KLHDC4: variants seen among roughly 807,000 people sequenced by gnomAD.
KLHDC4 encodes kelch domain containing 4.
A neutral mutation model predicts 62.4 loss-of-function variants in KLHDC4; 90 were observed. The ratio of observed to expected loss-of-function variants is 1.44; its 90% CI spans 1.22 to 1.72. KLHDC4 has a LOEUF of 1.72. KLHDC4 is among the 40% of genes most tolerant of loss of function. The pLI, the probability that KLHDC4 is intolerant of heterozygous loss-of-function variation, is 0.00. For synonymous variants in KLHDC4, 386 were observed against 284.4 expected (o/e 1.36, Z -3.59); for missense variants, 1,025 against 699.7 (o/e 1.47, Z -5.25).
chr16:87,749,346 GA>G (rs1346963837), intron 4 of KLHDC4, among the ~76,000 whole-genome samples: 1 of 152,008 alleles, frequency 6.6e-6, no homozygotes, highest in African/African-American at 2.4e-5. Flanking sequence ...ACGAGATCAA[GA>G]AATAGAGACC....
At chr16:87,729,802 G>C (rs2040017294) in intron 6 of KLHDC4, among the ~76,000 whole-genome samples, 1 of 152,102 alleles carries the variant, frequency 6.6e-6, no homozygotes, top group Non-Finnish European at 1.5e-5. Context: ...GAAGTCCCCT[G>C]GCCAGCAACG....
downstream of KLHDC4, among the ~76,000 whole-genome samples, chr16:87,706,649 G>A (rs550643673): frequency 4.6e-5 from 7 of 152,338 alleles, no homozygotes; most frequent in Non-Finnish European, 4.4e-5. Flanking sequence ...AGGTCACACC[G>A]ATGGCAGTGG....
At chr16:87,722,565 G>A (rs139389883) in intron 7 of KLHDC4, among the ~76,000 whole-genome samples, 15 of 152,348 alleles carry the variant, frequency 9.8e-5, no homozygotes, top group African/African-American at 3.4e-4. Context: ...CACCAGGCAC[G>A]CAAGTGGACA....
rs763633078 is a variant in KLHDC4, at chr16:87,765,897, G to T, written c.-7C>A. The T allele has an allele frequency of 6.4e-7, 1 of 1,551,000 alleles. No homozygotes were observed. The highest frequency in any genetic ancestry group is 2.0e-5 in the Admixed American group (1 of 50,994). On this transcript the variant is annotated 5_prime_UTR_variant, in exon 1 of 12. Transcript: ENST00000270583. Reference sequence around the variant, plus strand: ...TCTTGCCCTTCTTGCCCATCTTGCCGGGTCCCAAGCCGCGACGGGACACCA... The same window carrying T: ...TCTTGCCCTTCTTGCCCATCTTGCCTGGTCCCAAGCCGCGACGGGACACCA...
chr16:87,701,219 A>G (rs1365403988), exon 1 of KLHDC4: 1 of 223,158 alleles, frequency 4.5e-6, no homozygotes, highest in Non-Finnish European at 9.1e-6. Flanking sequence ...GCGCTTCCCG[A>G]TGAGCAGAGG....
intron 4 of KLHDC4, among the ~76,000 whole-genome samples, chr16:87,751,919 A>T (rs542988319): frequency 1.9e-4 from 29 of 151,460 alleles, no homozygotes; most frequent in African/African-American, 6.5e-4. Context: ...TAAAAATACT[A>T]AAAAAATTAG....
At chr16:87,737,694 T>A (rs2041577229) in intron 5 of KLHDC4, among the ~76,000 whole-genome samples, 1 of 151,622 alleles carries the variant, frequency 6.6e-6, no homozygotes, top group South Asian at 2.1e-4. Flanking sequence ...TTCAAGCAAT[T>A]ATTCCACCTA....
At chr16:87,757,104 C>T (rs926445872) in intron 2 of KLHDC4, among the ~76,000 whole-genome samples, 1 of 151,890 alleles carries the variant, frequency 6.6e-6, no homozygotes. Flanking sequence ...TGTGAGCCAC[C>T]GTGCCTGGAC....
At chr16:87,707,429 G>C (rs934652423), downstream of KLHDC4, among the ~76,000 whole-genome samples, 2 of 152,212 alleles carry the variant, frequency 1.3e-5, no homozygotes, top group East Asian at 1.9e-4. Context: ...GCTCCCAGGA[G>C]TGAGGCCGCT....
intron 6 of KLHDC4, among the ~76,000 whole-genome samples, chr16:87,727,628 G>A (rs1212425462): frequency 2.6e-5 from 4 of 152,226 alleles, no homozygotes; most frequent in Non-Finnish European, 5.9e-5. Flanking sequence ...TGGCAGCTTT[G>A]CTGGAGGCAT....
At chr16:87,702,366 G>A (rs1208753260) in exon 1 of KLHDC4, 2 of 438,722 alleles carry the variant, frequency 4.6e-6, no homozygotes, top group African/African-American at 4.0e-5. Context: ...TGCAGGGGCA[G>A]GGGGGCGGGC....
chr16:87,744,353 G>T (rs4843695), intron 5 of KLHDC4, among the ~76,000 whole-genome samples: 96,552 of 150,660 alleles, frequency 0.64, 31,712 homozygotes, highest in African/African-American at 0.8. Flanking sequence ...AGGTGGAGGT[G>T]GCAGTGAGCC....
intron 10 of KLHDC4, 41 bp from the exon 11 acceptor site, chr16:87,708,507 TGAGGCAGGTGGG>T (rs1567645843): frequency 6.7e-7 from 1 of 1,499,156 alleles, no homozygotes; most frequent in Non-Finnish European, 9.1e-7. Context: ...TCAGCGCAGC[TGAGGCAGGTGGG>T]GGAGGCTGCG....
intron 8 of KLHDC4, among the ~76,000 whole-genome samples, chr16:87,712,548 C>T (rs1415660005): frequency 3.9e-5 from 6 of 152,236 alleles, no homozygotes; most frequent in Admixed American, 3.3e-4. Context: ...GGCTCAGGGC[C>T]GCCCTGCGGG....
rs746780041 is a variant in KLHDC4, at chr16:87,730,537, G to C, written c.599+15C>G. 6.3e-7 allele frequency: 1 copy of C among 1,592,624 alleles called. No homozygotes were observed. The highest frequency in any genetic ancestry group is 8.5e-7 in the Non-Finnish European group (1 of 1,171,040). ...TGCTTCAGGAGAGAAAGATTTTTCC[G>C]TTCTTGGTACCAACCGTGTACTTTC... On this transcript the variant is annotated intron_variant, in intron 6 of 11. Transcript: ENST00000270583.
At chr16:87,737,275 T>G (rs2041493042) in intron 5 of KLHDC4, among the ~76,000 whole-genome samples, 1 of 151,246 alleles carries the variant, frequency 6.6e-6, no homozygotes, top group Admixed American at 6.6e-5. Context: ...AGCACTGAAA[T>G]AAACCTATGG....
At chr16:87,753,334 C>A (rs905066409) in intron 4 of KLHDC4, among the ~76,000 whole-genome samples, 1 of 152,318 alleles carries the variant, frequency 6.6e-6, no homozygotes, top group Middle Eastern at 3.4e-3. Context: ...CAAGTTCCAA[C>A]CAGACGAGGT....
intron 5 of KLHDC4, among the ~76,000 whole-genome samples, chr16:87,739,339 C>G (rs1567760790): frequency 7.5e-6 from 1 of 133,840 alleles, no homozygotes; most frequent in Admixed American, 7.5e-5. Flanking sequence ...AGCATCTCAT[C>G]CATCCACACA....
chr16:87,749,535 C>T (rs1037577591), intron 4 of KLHDC4, among the ~76,000 whole-genome samples: 6 of 130,850 alleles, frequency 4.6e-5, no homozygotes, highest in Admixed American at 9.6e-5. Flanking sequence ...GCCTGGACGA[C>T]AGAGCGAGAC....
Sources: gnomAD v4.1 joint callset for allele counts (sites outside exome capture counted in the v4.1 genomes callset) on GRCh38, gnomAD v4.1.1 for gene constraint, MANE v1.5 for transcripts, NCBI Gene and HGNC (gene_info 2026-07-23, HGNC 2026-07-21) for gene names.